TBC1D22A: variants seen among roughly 807,000 people sequenced by gnomAD.
The protein encoded by TBC1D22A is TBC1 domain family member 22A, also known as putative GTPase activator.
In TBC1D22A, 38 loss-of-function variants were observed where a neutral mutation model predicts 60.2. The ratio of observed to expected loss-of-function variants is 0.63; its 90% CI spans 0.49 to 0.83. The LOEUF (loss-of-function observed/expected upper bound fraction) is 0.83, where lower values mean the gene tolerates loss of function less well. TBC1D22A is among the 40% of genes least tolerant of loss of function. TBC1D22A has a pLI of 0.00. For synonymous variants in TBC1D22A, 302 were observed against 281.7 expected, an observed-to-expected ratio of 1.07 and a Z score of -0.72; for missense variants, 628 against 701.0, an observed-to-expected ratio of 0.90 and a Z score of 1.18.
At chr22:46,951,209 C>T (rs2072883495) in intron 8 of TBC1D22A, among the ~76,000 whole-genome samples, 1 of 152,080 alleles carries the variant, frequency 6.6e-6, no homozygotes, top group South Asian at 2.1e-4. Context: ...TGCTGGGAAG[C>T]CTTTGAAGTA....
At chr22:46,920,499 G>T (rs557621675) in intron 8 of TBC1D22A, among the ~76,000 whole-genome samples, 4 of 152,246 alleles carry the variant, frequency 2.6e-5, no homozygotes, top group Admixed American at 2.0e-4. Context: ...TAAAACTCAT[G>T]GAGGCTGTGA....
intron 4 of TBC1D22A, among the ~76,000 whole-genome samples, chr22:46,841,676 G>C (rs1342873604): frequency 6.6e-6 from 1 of 152,220 alleles, no homozygotes; most frequent in African/African-American, 2.4e-5. Context: ...GTGGTTATCA[G>C]GAACTGGAGG....
At chr22:46,848,536 C>T (rs1450894527) in intron 4 of TBC1D22A, among the ~76,000 whole-genome samples, 1 of 152,176 alleles carries the variant, frequency 6.6e-6, no homozygotes, top group African/African-American at 2.4e-5. Context: ...AACAGGGAGT[C>T]GACCAACCGT....
At chr22:46,792,696 C>T (rs889700341) in intron 2 of TBC1D22A, 120 bp downstream of exon 2, 171 of 1,598,094 alleles carry the variant, frequency 1.1e-4, no homozygotes, top group Non-Finnish European at 7.3e-5. Flanking sequence ...ACTGGTTTCT[C>T]ATTCAGCCAC....
intron 4 of TBC1D22A, among the ~76,000 whole-genome samples, chr22:46,807,816 T>C (rs538164514): frequency 1.3e-5 from 2 of 152,244 alleles, no homozygotes; most frequent in South Asian, 2.1e-4. Context: ...AGAAATTTTA[T>C]ACAGGGCCAG....
chr22:46,775,993 G>A (rs1175678651), intron 1 of TBC1D22A, among the ~76,000 whole-genome samples: 1 of 152,246 alleles, frequency 6.6e-6, no homozygotes, highest in Non-Finnish European at 1.5e-5. Flanking sequence ...TGAGCCTGGT[G>A]TTACTCCTGC....
intron 1 of TBC1D22A, among the ~76,000 whole-genome samples, chr22:46,790,730 G>A (rs1319985163): frequency 1.3e-5 from 2 of 152,190 alleles, no homozygotes; most frequent in Admixed American, 6.5e-5. Context: ...TGTTGAATGA[G>A]CAGTGGTGTG....
intron 10 of TBC1D22A, among the ~76,000 whole-genome samples, chr22:47,020,589 G>A (rs543431586): frequency 1.1e-4 from 16 of 152,026 alleles, no homozygotes; most frequent in African/African-American, 3.4e-4. Context: ...GCCATGCCTG[G>A]GTTTCCAAGC....
At chr22:47,052,500 AG>A (rs1157525505) in intron 11 of TBC1D22A, among the ~76,000 whole-genome samples, 2 of 152,176 alleles carry the variant, frequency 1.3e-5, no homozygotes, top group African/African-American at 4.8e-5. Context: ...CATTGTGTAC[AG>A]AGAGAGGACC....
Position 47,028,376 on chromosome 22 carries a change from CGCA to C in TBC1D22A, c.1202-8694_1202-8692del. Among the ~76,000 whole-genome samples the C allele has an allele frequency of 2.0e-5, 3 of 150,026 alleles. No individual in the cohort carries two copies. The highest frequency in any genetic ancestry group is 6.6e-5 in the Admixed American group (1 of 15,138). ...GGCCCAGGTTCTGAGAGTGAGTGGTCGCATTCCTGTCCCTCGGTCCCTGTCCCC... is the reference window on the plus strand; with the variant it reads ...GGCCCAGGTTCTGAGAGTGAGTGGTCTTCCTGTCCCTCGGTCCCTGTCCCC... On this transcript the variant is annotated intron_variant, in intron 10 of 12. Coordinates refer to ENST00000337137, the MANE Select transcript of TBC1D22A (RefSeq NM_014346.5). This position sits in a 1 kb window ranked among gnomAD's most constrained non-coding sequence, Gnocchi z 4.4.
At chr22:46,890,436 T>C (rs1230430865) in intron 5 of TBC1D22A, among the ~76,000 whole-genome samples, 1 of 152,120 alleles carries the variant, frequency 6.6e-6, no homozygotes, top group African/African-American at 2.4e-5. Context: ...GCATTTACCT[T>C]GTATCAGGTG....
intron 12 of TBC1D22A, among the ~76,000 whole-genome samples, chr22:47,142,853 C>T (rs1356073624): frequency 6.9e-6 from 1 of 144,110 alleles, no homozygotes; most frequent in Middle Eastern, 3.3e-3. Flanking sequence ...TCCATTCATC[C>T]ACCCATCCAT....
intron 12 of TBC1D22A, among the ~76,000 whole-genome samples, chr22:47,139,760 C>A (rs1272195650): frequency 6.6e-6 from 1 of 152,218 alleles, no homozygotes; most frequent in Admixed American, 6.5e-5. Context: ...TCGCTAAGAC[C>A]CAAGTTCAGG....
chr22:47,054,421 C>T (rs973182650), intron 11 of TBC1D22A, among the ~76,000 whole-genome samples: 1 of 152,156 alleles, frequency 6.6e-6, no homozygotes, highest in Admixed American at 6.5e-5. Flanking sequence ...TCCTCCCCAT[C>T]GTCTGTGTCC....
chr22:46,974,978 G>A (rs1009368391), intron 9 of TBC1D22A, among the ~76,000 whole-genome samples: 2 of 152,218 alleles, frequency 1.3e-5, no homozygotes, highest in African/African-American at 4.8e-5. Flanking sequence ...AAAGCCACAG[G>A]TCTCCCAGTG....
At chr22:47,140,582 G>T (rs184987886) in intron 12 of TBC1D22A, among the ~76,000 whole-genome samples, 14 of 151,472 alleles carry the variant, frequency 9.2e-5, no homozygotes, top group Admixed American at 7.9e-4. Flanking sequence ...AAGAAAGAAA[G>T]AAAGAAAATG....
At chr22:46,894,714 T>G in intron 6 of TBC1D22A, 70 bp from the exon 7 acceptor site, 1 of 1,583,280 alleles carries the variant, frequency 6.3e-7, no homozygotes, top group East Asian at 2.2e-5. Context: ...GTATTGCTGT[T>G]TTAATCATAT....
rs573847212 is a variant in TBC1D22A, at chr22:46,772,739, T to G, written c.62+9891T>G. On this transcript the variant is annotated intron_variant, in intron 1 of 12. Coordinates refer to ENST00000337137, the MANE Select transcript of TBC1D22A (RefSeq NM_014346.5). ...TTGGCTCACTGCAACCTCTGTCTCC[T>G]GGGTTCAAGCTATTCTCCTGCTTCA... 1.1e-4 allele frequency among the ~76,000 whole-genome samples: 17 copies of G among 149,126 alleles called. 1 individual carries two copies. The highest frequency in any genetic ancestry group is 4.2e-4 in the African/African-American group (17 of 40,434).
chr22:46,843,240 G>C (rs1045423063), intron 4 of TBC1D22A, among the ~76,000 whole-genome samples: 1 of 152,058 alleles, frequency 6.6e-6, no homozygotes, highest in Non-Finnish European at 1.5e-5. Flanking sequence ...ACGAGCATTC[G>C]GTGTACTAAT....
Sources: gnomAD v4.1 joint callset for allele counts (sites outside exome capture counted in the v4.1 genomes callset) on GRCh38, gnomAD v4.1.1 for gene constraint, Gnocchi (gnomAD v3.1) non-coding constraint, MANE v1.5 for transcripts, NCBI Gene and HGNC (gene_info 2026-07-23, HGNC 2026-07-21) for gene names.